Variants in THADA observed in about 807,000 individuals in gnomAD.
THADA encodes THADA armadillo repeat containing.
A neutral mutation model predicts 219.8 loss-of-function variants in THADA; 213 were observed. The ratio of observed to expected loss-of-function variants is 0.97; its 90% CI spans 0.87 to 1.09. The LOEUF (loss-of-function observed/expected upper bound fraction) is 1.09, where lower values mean the gene tolerates loss of function less well. Ranked by LOEUF, THADA falls within the 50% of genes least tolerant of loss-of-function variation. THADA has a pLI of 0.00. For synonymous variants in THADA, 1,018 were observed against 828.9 expected (o/e 1.23, Z -3.92); for missense variants, 2,956 against 2,311.3 (o/e 1.28, Z -5.72).
At chr2:43,485,034 G>T (rs770989129) in intron 26 of THADA, among the ~76,000 whole-genome samples, 200 bp downstream of exon 26, 1 of 151,226 alleles carries the variant, frequency 6.6e-6, no homozygotes, top group South Asian at 2.1e-4. Context: ...TTGTTGCTTT[G>T]AAAGGTCCAC....
chr2:43,304,111 T>C (rs1171406378), intron 31 of THADA, among the ~76,000 whole-genome samples: 2 of 152,162 alleles, frequency 1.3e-5, no homozygotes, highest in African/African-American at 4.8e-5. Context: ...AACCCCTTCA[T>C]CTAGTGCTCA....
At chr2:43,377,984 A>G (rs1671571274) in intron 29 of THADA, among the ~76,000 whole-genome samples, 1 of 152,210 alleles carries the variant, frequency 6.6e-6, no homozygotes, top group Non-Finnish European at 1.5e-5. Flanking sequence ...ATGTCCCTCA[A>G]TTTGGGTTTG....
chr2:43,325,536 AGAAG>A (rs1374195523), intron 30 of THADA, among the ~76,000 whole-genome samples: 1 of 152,036 alleles, frequency 6.6e-6, no homozygotes, highest in Non-Finnish European at 1.5e-5. Context: ...AAGGAAAGAA[AGAAG>A]GAAGAAGAAA....
chr2:43,562,173 T>C (rs1231210392), intron 15 of THADA: 3 of 152,234 alleles, frequency 2.0e-5, no homozygotes, highest in African/African-American at 4.8e-5. Context: ...TTTTTGCCTC[T>C]ATATCCATAA....
intron 29 of THADA, among the ~76,000 whole-genome samples, chr2:43,393,991 G>A (rs1287114165): frequency 1.3e-5 from 2 of 152,134 alleles, no homozygotes; most frequent in Non-Finnish European, 2.9e-5. Context: ...AAGTAACCTA[G>A]TAATAATGTT....
At chr2:43,360,793 G>A (rs1335879981) in intron 29 of THADA, among the ~76,000 whole-genome samples, 2 of 152,160 alleles carry the variant, frequency 1.3e-5, no homozygotes, top group Non-Finnish European at 2.9e-5. Flanking sequence ...AAGTTGTTAT[G>A]GATTTTCCAC....
At chr2:43,480,029 A>G (rs2104993905) in intron 26 of THADA, among the ~76,000 whole-genome samples, 1 of 152,328 alleles carries the variant, frequency 6.6e-6, no homozygotes, top group African/African-American at 2.4e-5. Flanking sequence ...CTGACAAAAT[A>G]AAATCTAAAG....
chr2:43,388,278 G>C (rs879855972), intron 29 of THADA, among the ~76,000 whole-genome samples: 1 of 152,176 alleles, frequency 6.6e-6, no homozygotes, highest in Non-Finnish European at 1.5e-5. Context: ...AATGACAAAA[G>C]CCTGACAGTG....
chr2:43,483,426 G>A (rs749253608), intron 26 of THADA, among the ~76,000 whole-genome samples: 23 of 152,160 alleles, frequency 1.5e-4, no homozygotes, highest in Non-Finnish European at 2.8e-4. Flanking sequence ...AATGGGAGCT[G>A]CCAAGAAATA....
Position 43,293,073 on chromosome 2 carries a change from C to G in THADA, c.4579G>C (p.Val1527Leu). 6.2e-7 allele frequency: 1 copy of G among 1,613,962 alleles called. No homozygotes were observed. Among genetic ancestry groups the G allele is most frequent in the Non-Finnish European group, 8.5e-7 (1 of 1,179,886 alleles). Residue 1527 changes from valine (V) to leucine (L), a missense_variant, in exon 32 of 38, where the codon GTG becomes CTG. By Grantham distance (32) the Val-to-Leu change is conservative. Coordinates refer to ENST00000405975, the MANE Select transcript of THADA (RefSeq NM_022065.5). ...QSLTRLAIAA[V>L]WAAAAKSGER... ...CCACTCTTGGCTGCCGCGGCCCACACTGCAGCAATGGCTAGTCTGGTGAGG... is the reference window on the plus strand; with the variant it reads ...CCACTCTTGGCTGCCGCGGCCCACAGTGCAGCAATGGCTAGTCTGGTGAGG...
intron 36 of THADA, 85 bp from the exon 37 acceptor site, chr2:43,232,967 A>C: frequency 7.0e-7 from 1 of 1,430,298 alleles, no homozygotes; most frequent in Non-Finnish European, 9.4e-7. Context: ...GGAACAATAA[A>C]GGCCTCAGGT....
At chr2:43,443,327 A>C (rs1400759207) in intron 26 of THADA, among the ~76,000 whole-genome samples, 1 of 152,226 alleles carries the variant, frequency 6.6e-6, no homozygotes, top group Non-Finnish European at 1.5e-5. Flanking sequence ...ATGCATCATC[A>C]GGTATAAATG....
chr2:43,540,786 C>G (rs2103811557), intron 21 of THADA, among the ~76,000 whole-genome samples: 1 of 152,222 alleles, frequency 6.6e-6, no homozygotes, highest in East Asian at 1.9e-4. Context: ...CATAATCAAC[C>G]AACATGTTAC....
At chr2:43,487,904 A>G (rs1285132526) in intron 25 of THADA, among the ~76,000 whole-genome samples, 3 of 152,212 alleles carry the variant, frequency 2.0e-5, no homozygotes, top group Non-Finnish European at 4.4e-5. Context: ...TATCCCTTAT[A>G]AAGTGCCCTC....
intron 29 of THADA, among the ~76,000 whole-genome samples, chr2:43,393,499 G>A (rs564560375): frequency 1.3e-5 from 2 of 152,240 alleles, no homozygotes; most frequent in South Asian, 4.1e-4. Flanking sequence ...CTTGAAGTCA[G>A]GAGTTCAAGA....
At chr2:43,236,672 G>C (rs1668063178) in intron 36 of THADA, among the ~76,000 whole-genome samples, 1 of 152,106 alleles carries the variant, frequency 6.6e-6, no homozygotes, top group Non-Finnish European at 1.5e-5. Flanking sequence ...AAAAAATAAA[G>C]AATCTGCTGT....
intron 14 of THADA, among the ~76,000 whole-genome samples, chr2:43,568,778 C>G (rs2103987407): frequency 6.6e-6 from 1 of 152,190 alleles, no homozygotes; most frequent in African/African-American, 2.4e-5. Flanking sequence ...GGTAGTATGT[C>G]ATGCCTGTAA....
At chr2:43,561,910 T>A (rs947084484) in intron 15 of THADA, among the ~76,000 whole-genome samples, 1 of 152,354 alleles carries the variant, frequency 6.6e-6, no homozygotes, top group Admixed American at 6.5e-5. Context: ...CATCATCTTG[T>A]CCTTCCTATT....
At chr2:43,431,005 TA>T (rs1217950961) in intron 26 of THADA, among the ~76,000 whole-genome samples, 2 of 152,200 alleles carry the variant, frequency 1.3e-5, no homozygotes, top group Admixed American at 1.3e-4. Context: ...TTCAACTTTA[TA>T]AAAACTTCTC....
Sources: allele counts gnomAD v4.1 joint callset (sites outside exome capture counted in the v4.1 genomes callset), GRCh38; gene constraint gnomAD v4.1.1; transcripts MANE v1.5; gene names NCBI Gene and HGNC (gene_info 2026-07-23, HGNC 2026-07-21).